LANCL1: variants seen among roughly 807,000 people sequenced by gnomAD.
LANCL1 encodes the protein glutathione S-transferase LANCL1.
A neutral mutation model predicts 50.6 loss-of-function variants in LANCL1; 50 were observed. The ratio of observed to expected loss-of-function variants is 0.99; its 90% CI spans 0.79 to 1.25. The LOEUF (loss-of-function observed/expected upper bound fraction) is 1.25. Ranked by LOEUF, LANCL1 falls within the 50% of genes most tolerant of loss-of-function variation. The pLI, the probability that LANCL1 is intolerant of heterozygous loss-of-function variation, is 0.00. For synonymous variants in LANCL1, 188 were observed against 178.6 expected, an observed-to-expected ratio of 1.05 and a Z score of -0.42; for missense variants, 532 against 480.7, an observed-to-expected ratio of 1.11 and a Z score of -1.00.
intron 2 of LANCL1, among the ~76,000 whole-genome samples, chr2:210,472,566 A>G (rs1390060465): frequency 6.6e-6 from 1 of 152,236 alleles, no homozygotes; most frequent in Non-Finnish European, 1.5e-5. Flanking sequence ...AAATTCATGT[A>G]TATCAAGAGC....
intron 6 of LANCL1, 102 bp downstream of exon 6, chr2:210,440,496 T>G: frequency 1.8e-6 from 2 of 1,140,938 alleles, no homozygotes; most frequent in South Asian, 1.6e-5. Flanking sequence ...AATGCAGTGG[T>G]TGACAGAATG....
chr2:210,442,128 T>A (rs1380788971), intron 4 of LANCL1, among the ~76,000 whole-genome samples: 1 of 152,082 alleles, frequency 6.6e-6, no homozygotes, highest in Non-Finnish European at 1.5e-5. Context: ...GGTCTCCAAT[T>A]CCCGACCTCA....
rs1336442316 is a variant in LANCL1 at position 210,435,429 on chromosome 2, G to C, written c.1081C>G (p.His361Asp). ...FAEWCLEYGE[H>D]GCRTPDTPFS... ...GGGGTGTCTGGTGTTCTGCATCCAT[G>C]TTCTCCATACTCTAAGCACCATTCA... The change falls in exon 9 of 10, where the codon CAT becomes GAT. Residue 361 changes from histidine to aspartate, a missense_variant. Physicochemically the swap from His to Asp is moderately conservative, Grantham distance 81. Transcript: ENST00000450366. 2 of 1,613,410 alleles carry C rather than the reference G, an allele frequency of 1.2e-6. No individual in the cohort carries two copies. The highest frequency in any genetic ancestry group is 1.7e-6 in the Non-Finnish European group (2 of 1,179,604).
At chr2:210,454,977 G>A in intron 4 of LANCL1, 130 bp downstream of exon 4, 1 of 707,838 alleles carries the variant, frequency 1.4e-6, no homozygotes, top group Non-Finnish European at 2.3e-6. Context: ...TATGACAATT[G>A]ATCAAATGAC....
intron 3 of LANCL1, among the ~76,000 whole-genome samples, chr2:210,471,239 G>A (rs1694214273): frequency 6.6e-6 from 1 of 151,848 alleles, no homozygotes; most frequent in South Asian, 2.1e-4. Context: ...TAAAGATGGG[G>A]TTGCACAGTG....
intron 3 of LANCL1, chr2:210,471,728 G>A (rs1169895537): frequency 2.3e-5 from 17 of 727,110 alleles, no homozygotes; most frequent in Middle Eastern, 2.3e-4. Flanking sequence ...CCAAATGTCA[G>A]GCATGAATTA....
intron 3 of LANCL1, among the ~76,000 whole-genome samples, chr2:210,463,540 C>T (rs1693939252): frequency 6.6e-6 from 1 of 152,208 alleles, no homozygotes. Context: ...TTTAATCTTA[C>T]TCCTGTCCTC....
chr2:210,472,137 A>G, intron 2 of LANCL1, 61 bp from the exon 3 acceptor site: 9 of 1,074,238 alleles, frequency 8.4e-6, no homozygotes, highest in Non-Finnish European at 1.3e-5. Context: ...GCTGGACTAT[A>G]AGCTATCAAA....
intron 3 of LANCL1, among the ~76,000 whole-genome samples, chr2:210,462,484 T>C (rs1693894066): frequency 6.6e-6 from 1 of 152,192 alleles, no homozygotes; most frequent in Non-Finnish European, 1.5e-5. Flanking sequence ...TCATTCAAAA[T>C]ATCACTTATT....
At chr2:210,473,005 C>A (rs1221559786) in intron 2 of LANCL1, among the ~76,000 whole-genome samples, 1 of 152,136 alleles carries the variant, frequency 6.6e-6, no homozygotes, top group African/African-American at 2.4e-5. Flanking sequence ...GAGGCTCACA[C>A]AATCATTACG....
chr2:210,433,992 A>T lies in LANCL1; in HGVS notation c.*495T>A, dbSNP rs1413381518. 6.6e-6 allele frequency: 1 copy of T among 152,242 alleles called. No individual in the cohort carries two copies. Among genetic ancestry groups the T allele is most frequent in the Non-Finnish European group, 1.5e-5 (1 of 68,050 alleles). 9.4% of individuals were successfully genotyped at this position (152,242 alleles called of 1,614,324 possible). A position where few individuals can be genotyped will look rare whatever the true frequency, so the allele number is the denominator to read the frequency against. On this transcript the variant is annotated 3_prime_UTR_variant, in exon 10 of 10. Transcript: ENST00000450366. ...ATTTTTCTCCTGGAAGCATTTAGTT[A>T]TATTTCTGTCCCCTTTCAAAATGAA...
chr2:210,448,309 C>G lies in LANCL1; in HGVS notation c.407+6798G>C, dbSNP rs539102659. 8.0e-4 allele frequency among the ~76,000 whole-genome samples: 122 copies of G among 152,144 alleles called. No homozygotes were observed. The South Asian group carries it at 0.024, about 30-fold the overall frequency. ...ATAAGTTCTTTGAAACCAATGAAAACAAAGACACAATGTACCAGAATCTCT... is the reference window on the plus strand; with the variant it reads ...ATAAGTTCTTTGAAACCAATGAAAAGAAAGACACAATGTACCAGAATCTCT... On this transcript the variant is annotated intron_variant, in intron 4 of 9. Coordinates refer to ENST00000450366, the MANE Select transcript of LANCL1 (RefSeq NM_006055.3).
At chr2:210,465,435 C>A (rs1020593764) in intron 3 of LANCL1, among the ~76,000 whole-genome samples, 1 of 152,174 alleles carries the variant, frequency 6.6e-6, no homozygotes, top group African/African-American at 2.4e-5. Context: ...TCTGCAGCTG[C>A]AGTTGCCTGC....
In LANCL1 at chr2:210,431,906, T is replaced by C. The variant is rs1692757696; in HGVS notation, c.*2581A>G. The C allele has an allele frequency of 1.3e-5, 2 of 152,192 alleles. No homozygotes were observed. The highest frequency in any genetic ancestry group is 2.1e-4 in the South Asian group (1 of 4,832). The allele number at this position is 152,192 out of a possible 1,614,324, so 9.4% of individuals were successfully genotyped here. A position where few individuals can be genotyped will look rare whatever the true frequency, so the allele number is the denominator to read the frequency against. ...ACTATTTGCAATTTCTAAATTACTA[T>C]AGAAACAGAAACATGTGACAGGATA... On this transcript the variant is annotated 3_prime_UTR_variant, in exon 10 of 10. Transcript: ENST00000450366.
chr2:210,462,604 G>A (rs929400851), intron 3 of LANCL1, among the ~76,000 whole-genome samples: 3 of 152,018 alleles, frequency 2.0e-5, no homozygotes, highest in African/African-American at 4.8e-5. Flanking sequence ...CTTCTGTCTC[G>A]GCCCAATTAA....
chr2:210,440,805 G>A, intron 5 of LANCL1, 61 bp from the exon 6 acceptor site: 2 of 1,514,444 alleles, frequency 1.3e-6, no homozygotes, highest in East Asian at 2.3e-5. Context: ...CCTGGAGGAG[G>A]TAAAGACTTT....
intron 4 of LANCL1, among the ~76,000 whole-genome samples, chr2:210,452,417 T>G (rs1025517573): frequency 9.9e-5 from 15 of 152,238 alleles, no homozygotes; most frequent in Admixed American, 9.8e-4. Context: ...GGCACTGATG[T>G]GTAGAAGTGG....
intron 4 of LANCL1, among the ~76,000 whole-genome samples, chr2:210,443,200 T>C (rs1481507468): frequency 6.6e-6 from 1 of 152,164 alleles, no homozygotes; most frequent in Non-Finnish European, 1.5e-5. Context: ...GAAGTCAGTT[T>C]AGGAAAGTAA....
At position 210,435,420 on chromosome 2, in the gene LANCL1, T is replaced by G. The variant is rs376336518; in HGVS notation, c.1090A>C (p.Arg364=). 3.1e-6 allele frequency: 5 copies of G among 1,613,662 alleles called. No individual in the cohort carries two copies. Among genetic ancestry groups the G allele is most frequent in the Non-Finnish European group, 4.2e-6 (5 of 1,179,616 alleles). ...WCLEYGEHGC[R]TPDTPFSLFE... is the part of the protein sequence containing the mutation. ...AGAGAGAAAGGGGTGTCTGGTGTTC[T>G]GCATCCATGTTCTCCATACTCTAAG... Residue 364 remains arginine, a synonymous_variant, in exon 9 of 10, where the codon AGA becomes CGA. Transcript: ENST00000450366.
Sources: gnomAD v4.1 joint callset for allele counts (sites outside exome capture counted in the v4.1 genomes callset) on GRCh38, gnomAD v4.1.1 for gene constraint, MANE v1.5 for transcripts, NCBI Gene and HGNC (gene_info 2026-07-23, HGNC 2026-07-21) for gene names.